The following TULP4 variants were observed in gnomAD, a reference collection of about 807,000 sequenced individuals.
The protein encoded by TULP4 is tubby-related protein 4.
TULP4 carries 16 observed loss-of-function variants against 129.0 expected under a neutral mutation model. The observed-to-expected ratio is 0.12, with a 90% CI of 0.08 to 0.19. The LOEUF is 0.19. Among genes scored for constraint, TULP4 ranks in the 10% least tolerant of loss-of-function variants. TULP4 has a pLI of 1.00. For missense variants in TULP4, 1,842 were observed against 2,059.1 expected (o/e 0.89, Z 2.04); for synonymous variants, 998 against 854.0 (o/e 1.17, Z -2.94).
At chr6:158,504,459 G>A (rs186162460) in intron 13 of TULP4, among the ~76,000 whole-genome samples, 61 of 151,276 alleles carry the variant, frequency 4.0e-4, no homozygotes, top group Admixed American at 1.2e-3. Flanking sequence ...CCATTCTCCC[G>A]CCTCAGCCTC....
rs771340978 is a variant in TULP4 at position 158,502,886 on chromosome 6, G to A, written c.3223G>A (p.Asp1075Asn). 69 of 1,613,870 alleles carry A rather than the reference G, an allele frequency of 4.3e-5. No homozygotes were observed. The highest frequency in any genetic ancestry group is 3.3e-4 in the Middle Eastern group (2 of 6,062). Residue 1075 changes from aspartate to asparagine, a missense_variant, in exon 13 of 14, where the codon GAC becomes AAC. Asp to Asn is a conservative substitution (Grantham distance 23, BLOSUM62 1). This residue lies in a region of TULP4 where 1,089 missense variants were observed against 987.1 expected (regional missense o/e 1.10). Transcript: ENST00000367097. ...CTCCTACAGCCTCCTGAGCCCACCC[G>A]ACAGCGCCCGCGACCGCACCGACTA... ...QSSYSLLSPPDSARDRTDYVN... is the reference protein window; with the variant it reads ...QSSYSLLSPPNSARDRTDYVN...
chr6:158,308,368 C>A (rs1422185778), upstream of TULP4, among the ~76,000 whole-genome samples: 2 of 152,010 alleles, frequency 1.3e-5, no homozygotes, highest in African/African-American at 4.8e-5. Flanking sequence ...TTTCTTAGTA[C>A]AGAACAAAAT....
At chr6:158,274,389 C>T (rs926546310) in intron 1 of TULP4, among the ~76,000 whole-genome samples, 3 of 152,230 alleles carry the variant, frequency 2.0e-5, no homozygotes, top group African/African-American at 7.2e-5. Flanking sequence ...CGGATCACTG[C>T]AGCAGCCTCC....
At position 158,461,731 on chromosome 6, in the gene TULP4, TA is replaced by T. The variant is rs749268408; in HGVS notation, c.1026+4del. The T allele has an allele frequency of 1.1e-5, 18 of 1,613,238 alleles. No homozygotes were observed. The highest frequency in any genetic ancestry group is 1.5e-5 in the Non-Finnish European group (18 of 1,179,582). ...TTCACACTGGACACTCTCGTGCAGG[TA>T]AGGATGTTCTCTGGAAACAAGTACA... is the stretch of plus-strand genomic sequence containing the variant. On this transcript the variant is annotated splice_donor_region_variant and intron_variant, in intron 6 of 13. Coordinates refer to ENST00000367097, the MANE Select transcript of TULP4 (RefSeq NM_020245.5).
At chr6:158,366,995 T>C (rs1468911108) in intron 1 of TULP4, among the ~76,000 whole-genome samples, 1 of 152,168 alleles carries the variant, frequency 6.6e-6, no homozygotes, top group Non-Finnish European at 1.5e-5. Context: ...CTGCAGAAGC[T>C]TTTCCAGTTT....
chr6:158,483,841 A>G (rs1384727446), intron 8 of TULP4, among the ~76,000 whole-genome samples: 1 of 151,774 alleles, frequency 6.6e-6, no homozygotes, highest in African/African-American at 2.4e-5. Context: ...AAAGTTTGTG[A>G]TCCACTGTCA....
chr6:158,374,308 A>C lies in TULP4; in HGVS notation c.253-38757A>C, dbSNP rs543162854. On this transcript the variant is annotated intron_variant, in intron 1 of 13. Coordinates refer to ENST00000367097, the MANE Select transcript of TULP4 (RefSeq NM_020245.5). ...TCTTTAAAGAAAAAAAAAAAAAAAA[A>C]CAAGAAGTAAATAGCAGACATTTTC... Among the ~76,000 whole-genome samples, 9 of 146,594 alleles carry C rather than the reference A, an allele frequency of 6.1e-5. No individual in the cohort carries two copies. The South Asian group carries it at 1.5e-3, about 25-fold the overall frequency.
chr6:158,237,781 G>C, intron 1 of TULP4: 2 of 782,766 alleles, frequency 2.6e-6, no homozygotes, highest in Non-Finnish European at 4.7e-6. Flanking sequence ...ATTTTCAAGA[G>C]CCTCAACATC....
At chr6:158,447,827 T>C (rs909452299) in intron 3 of TULP4, among the ~76,000 whole-genome samples, 2 of 152,228 alleles carry the variant, frequency 1.3e-5, no homozygotes, top group African/African-American at 4.8e-5. Flanking sequence ...CTTAAGTTGC[T>C]CGTGTGTTTG....
rs1446026969 is a variant in TULP4, at chr6:158,508,308, A to ATTCT, written c.*1614_*1615insTTCT. 1 of 152,224 alleles carries ATTCT rather than the reference A, an allele frequency of 6.6e-6. No homozygotes were observed. The highest frequency in any genetic ancestry group is 2.4e-5 in the African/African-American group (1 of 41,444). The allele number at this position is 152,224 out of a possible 1,614,324, so 9.4% of individuals were successfully genotyped here. A position where few individuals can be genotyped will look rare whatever the true frequency, so the allele number is the denominator to read the frequency against. On this transcript the variant is annotated 3_prime_UTR_variant, in exon 14 of 14. Coordinates refer to ENST00000367097, the MANE Select transcript of TULP4 (RefSeq NM_020245.5). Reference sequence around the variant, plus strand: ...TTTGCATTTTATTTGGAAACAGACAAGTAGAAGATGCTACAGAAAAGTATT... The same window carrying ATTCT: ...TTTGCATTTTATTTGGAAACAGACAATTCTGTAGAAGATGCTACAGAAAAGTATT...
chr6:158,312,319 A>T, upstream of TULP4: 3 of 390,538 alleles, frequency 7.7e-6, no homozygotes, highest in Non-Finnish European at 9.0e-6. Context: ...TACATCACTA[A>T]TGGCCAGTTT....
intron 1 of TULP4, among the ~76,000 whole-genome samples, chr6:158,288,034 T>A (rs1778860494): frequency 1.3e-5 from 2 of 152,190 alleles, no homozygotes; most frequent in African/African-American, 4.8e-5. Context: ...ACTGAAATTA[T>A]CAATTGGTTT....
intron 1 of TULP4, chr6:158,241,956 A>G (rs1265997670): frequency 6.9e-6 from 6 of 872,516 alleles, no homozygotes; most frequent in African/African-American, 3.3e-5. Context: ...CTCTTTCCGC[A>G]TTGGTTAATT....
chr6:158,418,632 G>A (rs1778269117), intron 2 of TULP4, among the ~76,000 whole-genome samples: 1 of 152,128 alleles, frequency 6.6e-6, no homozygotes, highest in African/African-American at 2.4e-5. Context: ...AGCTTGGTAT[G>A]GTTTCACAAC....
chr6:158,502,697 C>G lies in TULP4; in HGVS notation c.3034C>G (p.Leu1012Val), dbSNP rs764709846. Residue 1012 changes from leucine to valine, a missense_variant, in exon 13 of 14, where the codon CTG becomes GTG. By Grantham distance (32) the Leu-to-Val change is conservative. Around this residue, in one of 5 missense-constraint regions of TULP4, gnomAD observed 1,089 missense variants for 987.1 expected, o/e 1.10. Coordinates refer to ENST00000367097, the MANE Select transcript of TULP4 (RefSeq NM_020245.5). The stretch of plus-strand genomic sequence containing the variant: ...CAGCCCGCGGGCCCCCCTGCAGCCC[C>G]TGGCCAAGTCCAAGGGCGGGCCCGG... ...ADSPRAPLQP[L>V]AKSKGGPGGV... 4 of 1,558,774 alleles carry G rather than the reference C, an allele frequency of 2.6e-6. No individual in the cohort carries two copies. The East Asian group carries it at 6.8e-5, about 26-fold the overall frequency.
chr6:158,452,095 T>G, intron 4 of TULP4, 39 bp from the exon 5 acceptor site: 2 of 1,606,112 alleles, frequency 1.2e-6, no homozygotes, highest in Non-Finnish European at 1.7e-6. Flanking sequence ...TTGGGTGGTG[T>G]GCTTCCCTCC....
At chr6:158,289,266 T>G (rs1395825796) in intron 1 of TULP4, among the ~76,000 whole-genome samples, 1 of 151,854 alleles carries the variant, frequency 6.6e-6, no homozygotes, top group East Asian at 1.9e-4. Context: ...GTAGCCCTCT[T>G]TTCATTGTCA....
At chr6:158,261,976 G>A (rs550841319) in intron 1 of TULP4, among the ~76,000 whole-genome samples, 18 of 152,276 alleles carry the variant, frequency 1.2e-4, no homozygotes, top group African/African-American at 4.3e-4. Context: ...TTGACTTTCT[G>A]TTATGCTTCA....
chr6:158,398,149 C>G (rs552420782), intron 1 of TULP4, among the ~76,000 whole-genome samples: 7 of 152,288 alleles, frequency 4.6e-5, no homozygotes, highest in African/African-American at 1.7e-4. Flanking sequence ...GGGCCTTTCT[C>G]CCATAGACAC....
Sources: gnomAD v4.1 joint callset for allele counts (sites outside exome capture counted in the v4.1 genomes callset) on GRCh38, gnomAD v4.1.1 for gene constraint, gnomAD v4.1.1 regional missense constraint, MANE v1.5 for transcripts, NCBI Gene and HGNC (gene_info 2026-07-23, HGNC 2026-07-21) for gene names.